LAMB4: variants seen among roughly 807,000 people sequenced by gnomAD.
The protein encoded by LAMB4 is laminin subunit beta 4, also known as laminin subunit beta-4.
In LAMB4, 196 loss-of-function variants were observed where a neutral mutation model predicts 199.2. The observed-to-expected ratio is 0.98, with a 90% confidence interval of 0.88 to 1.11. The LOEUF is 1.11. Among genes scored for constraint, LAMB4 ranks in the 50% least tolerant of loss-of-function variants. The probability of loss-of-function intolerance (pLI) is 0.00; values close to 1 mark genes in which losing one functional copy is unlikely to be tolerated. For missense variants in LAMB4, 2,080 were observed against 2,171.2 expected (o/e 0.96, Z 0.83); for synonymous variants, 744 against 770.6 (o/e 0.97, Z 0.57).
chr7:108,025,435 T>TC (rs1563024848), intron 33 of LAMB4, among the ~76,000 whole-genome samples: 78 of 111,946 alleles, frequency 7.0e-4, no homozygotes, highest in African/African-American at 4.9e-3. Flanking sequence ...TTTCTTTCTT[T>TC]TTTTTTTTTT....
chr7:108,022,966 C>T (rs1309802030), downstream of LAMB4, among the ~76,000 whole-genome samples: 2 of 152,104 alleles, frequency 1.3e-5, no homozygotes, highest in Non-Finnish European at 2.9e-5. Flanking sequence ...CGTGCACCAC[C>T]ATGCCCAGCT....
At chr7:108,053,201 A>G (rs1019721891) in intron 25 of LAMB4, among the ~76,000 whole-genome samples, 2 of 152,200 alleles carry the variant, frequency 1.3e-5, no homozygotes, top group Non-Finnish European at 2.9e-5. Flanking sequence ...AATCCTATGA[A>G]ATCCAGACTT....
intron 25 of LAMB4, among the ~76,000 whole-genome samples, chr7:108,055,080 G>C (rs2035936243): frequency 6.6e-6 from 1 of 151,912 alleles, no homozygotes; most frequent in Admixed American, 6.6e-5. Flanking sequence ...ACTGAGTTTG[G>C]GCTTCCCCAT....
At chr7:108,095,933 A>C (rs796443885) in intron 11 of LAMB4, among the ~76,000 whole-genome samples, 2 of 152,348 alleles carry the variant, frequency 1.3e-5, no homozygotes, top group African/African-American at 4.8e-5. Flanking sequence ...ATGGATAAAT[A>C]AAAGTGGCAC....
At chr7:108,064,108 G>T in intron 21 of LAMB4, 123 bp from the exon 22 acceptor site, 2 of 695,196 alleles carry the variant, frequency 2.9e-6, no homozygotes, top group Non-Finnish European at 5.1e-6. Context: ...TCACACATTC[G>T]GGGTGAATAA....
chr7:108,037,984 T>C (rs2035287752), intron 29 of LAMB4, among the ~76,000 whole-genome samples: 1 of 152,184 alleles, frequency 6.6e-6, no homozygotes, highest in South Asian at 2.1e-4. Flanking sequence ...GGAGAAGCTC[T>C]GCGTTTGAAG....
intron 1 of LAMB4, among the ~76,000 whole-genome samples, chr7:108,127,635 T>C (rs1242560558): frequency 2.6e-5 from 4 of 152,126 alleles, no homozygotes; most frequent in Non-Finnish European, 4.4e-5. Flanking sequence ...GAAATGCCAA[T>C]GATCAGGGCC....
At position 108,111,890 on chromosome 7, in the gene LAMB4, T is replaced by C; in HGVS notation, c.249A>G (p.Gln83=). The change falls in exon 4 of 34, where the codon CAA becomes CAG. Residue 83 remains glutamine, a synonymous_variant. Coordinates refer to ENST00000388781, the MANE Select transcript of LAMB4 (RefSeq NM_007356.3). ...CATTCTCAATGGTGTGGCTGTTGGG[T>C]TGGTCATACGGATCATATGGAAATC... ...DSRFPYDPYD[Q]PNSHTIENVI... 6.2e-7 allele frequency: 1 copy of C among 1,612,470 alleles called. No homozygotes were observed. The highest frequency in any genetic ancestry group is 8.5e-7 in the Non-Finnish European group (1 of 1,179,140).
chr7:108,068,220 T>A (rs2036411784), intron 18 of LAMB4, 61 bp from the exon 19 acceptor site: 2 of 1,559,546 alleles, frequency 1.3e-6, no homozygotes, highest in Admixed American at 1.7e-5. Context: ...CACCTCACCT[T>A]GTTAGTAGCT....
chr7:108,126,402 C>T (rs915244240), intron 1 of LAMB4, among the ~76,000 whole-genome samples: 4 of 152,066 alleles, frequency 2.6e-5, no homozygotes, highest in African/African-American at 9.7e-5. Flanking sequence ...TGGCAGCCAC[C>T]GTTCTACTTT....
intron 2 of LAMB4, among the ~76,000 whole-genome samples, chr7:108,117,695 T>A (rs1051872137): frequency 6.6e-6 from 1 of 152,170 alleles, no homozygotes; most frequent in Non-Finnish European, 1.5e-5. Flanking sequence ...GGCTACTCCA[T>A]AGACAGAGCA....
At chr7:108,038,367 T>C (rs1563036349) in intron 29 of LAMB4, among the ~76,000 whole-genome samples, 1 of 152,184 alleles carries the variant, frequency 6.6e-6, no homozygotes, top group African/African-American at 2.4e-5. Context: ...TTCACCATGT[T>C]GGCCAGGATG....
intron 28 of LAMB4, among the ~76,000 whole-genome samples, chr7:108,047,395 A>G (rs1205809547): frequency 6.6e-6 from 1 of 152,158 alleles, no homozygotes; most frequent in African/African-American, 2.4e-5. Context: ...TGTGATGACG[A>G]TGAAGACCTT....
At chr7:108,044,800 A>T (rs2035556820) in intron 28 of LAMB4, among the ~76,000 whole-genome samples, 1 of 152,212 alleles carries the variant, frequency 6.6e-6, no homozygotes, top group South Asian at 2.1e-4. Flanking sequence ...TAAAAATGCC[A>T]AAATTAGCCA....
Position 108,069,868 on chromosome 7 carries a change from T to C in LAMB4, c.2142A>G (p.Gln714=), listed in dbSNP as rs138551579. 103 of 1,612,676 alleles carry C rather than the reference T, an allele frequency of 6.4e-5. No individual in the cohort carries two copies. In the East Asian group the frequency reaches 2.1e-3, roughly 33 times the overall value. Residue 714 remains glutamine, a synonymous_variant, in exon 18 of 34, where the codon CAA becomes CAG. Coordinates refer to ENST00000388781, the MANE Select transcript of LAMB4 (RefSeq NM_007356.3). Reference sequence around the variant, plus strand: ...TGCAGAAATTCTCCAATGAATTGATTTGGGGAATAAGGCCAAGCTTTTGAA... The same window carrying C: ...TGCAGAAATTCTCCAATGAATTGATCTGGGGAATAAGGCCAAGCTTTTGAA... ...VLVDSLGLIP[Q]INSLENFCSK...
At chr7:108,086,755 G>A (rs994782658) in intron 14 of LAMB4, among the ~76,000 whole-genome samples, 1 of 152,196 alleles carries the variant, frequency 6.6e-6, no homozygotes, top group Non-Finnish European at 1.5e-5. Context: ...CTTAAAGCAA[G>A]GTTTCTCAGA....
At position 108,052,119 on chromosome 7, in the gene LAMB4, A is replaced by T. The variant is rs768569877; in HGVS notation, c.3894T>A (p.Ser1298Arg). 3 of 1,610,648 alleles carry T rather than the reference A, an allele frequency of 1.9e-6. No individual in the cohort carries two copies. In the African/African-American group the frequency reaches 4.0e-5, roughly 22 times the overall value. The change falls in exon 26 of 34, where the codon AGT becomes AGA. Residue 1298 changes from serine (S) to arginine (R), a missense_variant. By Grantham distance (110) the Ser-to-Arg change is moderately radical. Coordinates refer to ENST00000388781, the MANE Select transcript of LAMB4 (RefSeq NM_007356.3). ...DLQEEIDLQS[S>R]VLNASIADSS... Reference sequence around the variant, plus strand: ...TACCCGCAATGCTTGCATTAAGGACACTGGATTGCAAATCAATTTCTTCCT... The same window carrying T: ...TACCCGCAATGCTTGCATTAAGGACTCTGGATTGCAAATCAATTTCTTCCT...
intron 30 of LAMB4, among the ~76,000 whole-genome samples, chr7:108,036,386 C>G (rs1188381080): frequency 6.6e-6 from 1 of 152,104 alleles, no homozygotes; most frequent in Non-Finnish European, 1.5e-5. Context: ...CAGCGTTTCT[C>G]CCTGTTGGTC....
At chr7:108,016,315 G>A in the LAMB4 span, among the ~76,000 whole-genome samples, 11 of 123,234 alleles carry the variant, frequency 8.9e-5, no homozygotes, top group East Asian at 1.6e-3. Context: ...ATGGAGTCTC[G>A]CTCTGTTGCT....
Sources: allele counts gnomAD v4.1 joint callset (sites outside exome capture counted in the v4.1 genomes callset), GRCh38; gene constraint gnomAD v4.1.1; transcripts MANE v1.5; gene names NCBI Gene and HGNC (gene_info 2026-07-23, HGNC 2026-07-21).